Variants in RORA observed in about 807,000 individuals in gnomAD.
The protein encoded by RORA is nuclear receptor ROR-alpha.
In RORA, 7 loss-of-function variants were observed where a neutral mutation model predicts 69.5. The observed-to-expected ratio is 0.10, with a 90% confidence interval of 0.06 to 0.19. The LOEUF (loss-of-function observed/expected upper bound fraction) is 0.19. Among genes scored for constraint, RORA ranks in the 10% least tolerant of loss-of-function variants. RORA has a pLI of 1.00. For synonymous variants in RORA, 261 were observed against 240.8 expected (o/e 1.08, Z -0.78); for missense variants, 457 against 663.0 (o/e 0.69, Z 3.41).
chr15:60,794,159 G>A (rs2072456972), intron 1 of RORA, among the ~76,000 whole-genome samples: 1 of 152,160 alleles, frequency 6.6e-6, no homozygotes, highest in Non-Finnish European at 1.5e-5. Context: ...TACTTAAAAT[G>A]CCACATTCAT....
Position 60,819,769 on chromosome 15 carries a change from A to ACACG in RORA, c.167-141084_167-141083insCGTG, listed in dbSNP as rs1555455780. Reference sequence around the variant, plus strand: ...CAGACACACACACACACACACACACACACACACACACACACACACACACAC... The same window carrying ACACG: ...CAGACACACACACACACACACACACACACGCACACACACACACACACACACACAC... On this transcript the variant is annotated intron_variant, in intron 1 of 10. Transcript: ENST00000335670. Among the ~76,000 whole-genome samples, 219 of 150,162 alleles carry ACACG rather than the reference A, an allele frequency of 1.5e-3. 1 individual carries two copies. Among genetic ancestry groups the ACACG allele is most frequent in the African/African-American group, 4.6e-3 (189 of 40,998 alleles).
chr15:61,111,064 G>A (rs924885555), intron 1 of RORA, among the ~76,000 whole-genome samples: 1 of 152,128 alleles, frequency 6.6e-6, no homozygotes, highest in African/African-American at 2.4e-5. Context: ...AGAGATTGTT[G>A]TGAGTTTGAA....
intron 2 of RORA, among the ~76,000 whole-genome samples, chr15:60,620,313 T>G (rs2069371079): frequency 2.0e-5 from 3 of 152,212 alleles, no homozygotes; most frequent in Admixed American, 2.0e-4. Context: ...GGACCACATC[T>G]CATCCCTTAA....
At chr15:60,800,013 G>C (rs116784270) in intron 1 of RORA, among the ~76,000 whole-genome samples, 1,857 of 152,288 alleles carry the variant, frequency 0.012, 49 homozygotes, top group African/African-American at 0.042. Flanking sequence ...TTATTCACTT[G>C]TCTATCTCCT....
At chr15:60,939,481 G>A (rs1257281575) in intron 1 of RORA, among the ~76,000 whole-genome samples, 2 of 152,168 alleles carry the variant, frequency 1.3e-5, no homozygotes, top group Non-Finnish European at 2.9e-5. Flanking sequence ...TGGTCCTGAG[G>A]TACCTGTGAT....
chr15:60,501,131 G>C, intron 8 of RORA, 62 bp from the exon 9 acceptor site: 5 of 863,950 alleles, frequency 5.8e-6, no homozygotes, highest in Non-Finnish European at 9.3e-6. Context: ...GAAAAACCTA[G>C]GTCTTAGGTT....
chr15:60,864,493 T>C (rs2073465256), intron 1 of RORA, among the ~76,000 whole-genome samples: 1 of 151,912 alleles, frequency 6.6e-6, no homozygotes, highest in Non-Finnish European at 1.5e-5. Context: ...TGTTTTTTTT[T>C]TTTCTTTCTT....
chr15:60,940,852 G>A lies in RORA; in HGVS notation c.167-262166C>T, dbSNP rs568532515. Among the ~76,000 whole-genome samples, 3 of 152,218 alleles carry A rather than the reference G, an allele frequency of 2.0e-5. No individual in the cohort carries two copies. The South Asian group carries it at 6.2e-4, about 32-fold the overall frequency. The stretch of plus-strand genomic sequence containing the variant: ...TGAGGCAGGGGAATTGTTTGAACTC[G>A]GGAGGCAAAGCTTGCAGTGAGCCAA... On this transcript the variant is annotated intron_variant, in intron 1 of 10. Transcript: ENST00000335670.
chr15:60,727,014 C>T (rs1044066102), intron 1 of RORA, among the ~76,000 whole-genome samples: 13 of 152,098 alleles, frequency 8.5e-5, no homozygotes, highest in African/African-American at 2.2e-4. Context: ...TCATTTTGAT[C>T]GCAAACTCCT....
chr15:61,106,610 T>A (rs953606140), intron 1 of RORA, among the ~76,000 whole-genome samples: 1 of 152,016 alleles, frequency 6.6e-6, no homozygotes, highest in Non-Finnish European at 1.5e-5. Flanking sequence ...CTCCCCCTCC[T>A]CCCATCTATA....
At chr15:60,543,969 C>CCA (rs2066988850) in intron 2 of RORA, among the ~76,000 whole-genome samples, 1 of 152,074 alleles carries the variant, frequency 6.6e-6, no homozygotes, top group Non-Finnish European at 1.5e-5. Context: ...TAGGGAAAGC[C>CCA]CACAGTGAGG....
At chr15:60,920,317 ATCT>A (rs748995437) in intron 1 of RORA, among the ~76,000 whole-genome samples, 10 of 152,202 alleles carry the variant, frequency 6.6e-5, no homozygotes, top group Admixed American at 1.3e-4. Flanking sequence ...TAATCTCATC[ATCT>A]TTGTCTTAAA....
intron 1 of RORA, among the ~76,000 whole-genome samples, chr15:60,807,463 A>G (rs1014990306): frequency 6.6e-6 from 1 of 152,242 alleles, no homozygotes; most frequent in African/African-American, 2.4e-5. Context: ...ATGCTCATGG[A>G]TGGGTAGAAT....
Position 60,812,357 on chromosome 15 carries a change from A to T in RORA, c.167-133671T>A, listed in dbSNP as rs148047572. Among the ~76,000 whole-genome samples the T allele has an allele frequency of 6.2e-3, 946 of 152,222 alleles. 8 individuals carry two copies. Among genetic ancestry groups the T allele is most frequent in the African/African-American group, 0.02 (846 of 41,528 alleles). The stretch of plus-strand genomic sequence containing the variant: ...CATCTCTACAAATATATATATTTTT[A>T]AAATTAGACAGGCACAGTGGCGTGT... On this transcript the variant is annotated intron_variant, in intron 1 of 10. Coordinates refer to ENST00000335670, the MANE Select transcript of RORA (RefSeq NM_134261.3).
At chr15:60,941,520 T>G (rs919454854) in intron 1 of RORA, among the ~76,000 whole-genome samples, 2 of 152,198 alleles carry the variant, frequency 1.3e-5, no homozygotes, top group African/African-American at 4.8e-5. Flanking sequence ...TGGTCAACAG[T>G]GGGCCCTCCC....
chr15:61,182,794 T>A (rs1288752415), intron 1 of RORA: 1 of 152,212 alleles, frequency 6.6e-6, no homozygotes, highest in Non-Finnish European at 1.5e-5. Context: ...AATATACCAA[T>A]GATATGATAT....
intron 1 of RORA, among the ~76,000 whole-genome samples, chr15:61,025,298 G>C (rs1245829071): frequency 6.6e-6 from 1 of 152,152 alleles, no homozygotes; most frequent in African/African-American, 2.4e-5. Context: ...GTATCACAAA[G>C]CCTTGTGAAA....
chr15:61,209,105 T>TA (rs1216810723), intron 1 of RORA, among the ~76,000 whole-genome samples: 1 of 152,222 alleles, frequency 6.6e-6, no homozygotes, highest in Non-Finnish European at 1.5e-5. Context: ...GAATCAGCTC[T>TA]AAAAGCCTCA....
At chr15:61,224,964 T>C (rs1015395526) in intron 1 of RORA, among the ~76,000 whole-genome samples, 19 of 152,160 alleles carry the variant, frequency 1.2e-4, no homozygotes, top group African/African-American at 4.3e-4. Flanking sequence ...CTCCTCACCA[T>C]GCCAGTAGGT....
Sources: allele counts gnomAD v4.1 joint callset (sites outside exome capture counted in the v4.1 genomes callset), GRCh38; gene constraint gnomAD v4.1.1; transcripts MANE v1.5; gene names NCBI Gene and HGNC (gene_info 2026-07-23, HGNC 2026-07-21).